Variants in HDAC8 observed in about 807,000 individuals in gnomAD.
HDAC8 encodes histone deacetylase 8.
In HDAC8, 1 loss-of-function variant was observed where a neutral mutation model predicts 32.2. That is an observed-to-expected ratio of 0.03 (90% CI 0.01 to 0.15). HDAC8 has a LOEUF of 0.15. HDAC8 is among the 10% of genes least tolerant of loss of function. HDAC8 has a pLI of 1.00. For synonymous variants in HDAC8, 108 were observed against 113.9 expected (o/e 0.95, Z 0.33); for missense variants, 117 against 300.0 (o/e 0.39, Z 4.51).
At chrX:72,352,683 C>T (rs1315092977) in intron 9 of HDAC8, among the ~76,000 whole-genome samples, 2 of 111,839 alleles carry the variant, frequency 1.8e-5, no homozygotes, top group African/African-American at 6.5e-5. Flanking sequence ...TTTTCTTTCT[C>T]TATAGTAGAG....
At chrX:72,497,799 A>G (rs1272550319) in intron 4 of HDAC8, among the ~76,000 whole-genome samples, 2 of 111,641 alleles carry the variant, frequency 1.8e-5, no homozygotes, top group African/African-American at 6.5e-5. Context: ...AAAAACTTTG[A>G]GCTGATACTA....
chrX:72,509,843 C>T lies in HDAC8; in HGVS notation c.438-14575G>A, dbSNP rs2049521142. Among the ~76,000 whole-genome samples the T allele has an allele frequency of 2.7e-5, 3 of 111,006 alleles. No individual in the cohort carries two copies. In the South Asian group the frequency reaches 1.1e-3, roughly 43 times the overall value. ...ATACTGTAATGTTGTTGAAATTAGT[C>T]AATTTTCACAGTTTTCCCTTACCTG... On this transcript the variant is annotated intron_variant, in intron 4 of 10. Transcript: ENST00000373573.
intron 9 of HDAC8, among the ~76,000 whole-genome samples, chrX:72,376,744 G>A (rs1477435300): frequency 3.6e-5 from 4 of 110,821 alleles, no homozygotes; most frequent in African/African-American, 1.3e-4. Flanking sequence ...CTTTTCCTCT[G>A]CTTGCTTTGG....
At chrX:72,568,052 G>T in intron 3 of HDAC8, 22 bp from the exon 4 acceptor site, 1 of 1,198,422 alleles carries the variant, frequency 8.3e-7, no homozygotes, top group East Asian at 3.0e-5. Context: ...AATCAGAAGA[G>T]CTGGTTAAAA....
intron 9 of HDAC8, among the ~76,000 whole-genome samples, chrX:72,446,994 G>T (rs973152711): frequency 9.0e-6 from 1 of 111,691 alleles, no homozygotes; most frequent in South Asian, 3.8e-4. Flanking sequence ...ATTCATAGCC[G>T]AATTCTACCA....
intron 4 of HDAC8, among the ~76,000 whole-genome samples, chrX:72,553,353 C>G (rs1267840058): frequency 3.6e-5 from 4 of 111,696 alleles, no homozygotes; most frequent in Non-Finnish European, 7.5e-5. Context: ...CAATAGCCAC[C>G]ATTTTTAATG....
chrX:72,430,080 A>G (rs781845093), intron 9 of HDAC8, among the ~76,000 whole-genome samples: 1 of 112,388 alleles, frequency 8.9e-6, no homozygotes, highest in Non-Finnish European at 1.9e-5. Flanking sequence ...ATAAAATGCA[A>G]TTTCCAGACA....
At chrX:72,564,966 T>C (rs1186407228) in intron 4 of HDAC8, among the ~76,000 whole-genome samples, 1 of 112,558 alleles carries the variant, frequency 8.9e-6, no homozygotes, top group Non-Finnish European at 1.9e-5. Flanking sequence ...TTCCTTAGAA[T>C]AGATTGCCAA....
chrX:72,331,903 C>T (rs781840696), intron 10 of HDAC8, among the ~76,000 whole-genome samples: 1 of 112,447 alleles, frequency 8.9e-6, no homozygotes, highest in Non-Finnish European at 1.9e-5. Flanking sequence ...GATTTCCCTC[C>T]TCTACCTCCT....
chrX:72,382,223 T>A, intron 9 of HDAC8, among the ~76,000 whole-genome samples: 1 of 112,300 alleles, frequency 8.9e-6, no homozygotes. Flanking sequence ...AGACGAGGAA[T>A]TGCACCCAAG....
At chrX:72,455,650 A>G (rs938067390) in intron 9 of HDAC8, among the ~76,000 whole-genome samples, 1 of 112,435 alleles carries the variant, frequency 8.9e-6, no homozygotes, top group African/African-American at 3.2e-5. Flanking sequence ...TTTTGAGTGA[A>G]AATTAGAATT....
intron 9 of HDAC8, among the ~76,000 whole-genome samples, chrX:72,441,471 AG>A (rs1246713380): frequency 8.9e-6 from 1 of 112,431 alleles, no homozygotes; most frequent in East Asian, 2.8e-4. Context: ...CCTGCAGCTG[AG>A]GGTCCTGTCT....
chrX:72,441,428 G>C (rs1569299720), intron 9 of HDAC8, among the ~76,000 whole-genome samples: 1 of 112,218 alleles, frequency 8.9e-6, no homozygotes, highest in Non-Finnish European at 1.9e-5. Context: ...GGCAAACAGG[G>C]TCTGGAGTGG....
At chrX:72,412,246 T>C (rs1232952379) in intron 9 of HDAC8, among the ~76,000 whole-genome samples, 1 of 112,093 alleles carries the variant, frequency 8.9e-6, no homozygotes, top group Non-Finnish European at 1.9e-5. Flanking sequence ...GGGAAACAAC[T>C]AGACTTGGAA....
intron 4 of HDAC8, among the ~76,000 whole-genome samples, chrX:72,508,436 C>G (rs1468386196): frequency 8.9e-6 from 1 of 112,078 alleles, no homozygotes; most frequent in African/African-American, 3.2e-5. Context: ...AGTAACTTGT[C>G]CAAGGAAACA....
At chrX:72,373,594 T>A (rs981379820) in intron 9 of HDAC8, among the ~76,000 whole-genome samples, 7 of 112,605 alleles carry the variant, frequency 6.2e-5, no homozygotes, top group African/African-American at 2.3e-4. Flanking sequence ...CACATTTTGT[T>A]TATCCATTTA....
intron 4 of HDAC8, 78 bp downstream of exon 4, chrX:72,567,811 A>G (rs781907152): frequency 8.3e-7 from 1 of 1,210,826 alleles, no homozygotes. Context: ...AAATGTCAAT[A>G]CAATAAGCAT....
chrX:72,381,681 C>T (rs1555959948), intron 9 of HDAC8, among the ~76,000 whole-genome samples: 2 of 112,107 alleles, frequency 1.8e-5, no homozygotes, highest in Non-Finnish European at 3.8e-5. Flanking sequence ...GAAAGGGTAG[C>T]AACCCTGTGT....
chrX:72,345,262 G>C (rs979825153), intron 10 of HDAC8, among the ~76,000 whole-genome samples: 2 of 111,120 alleles, frequency 1.8e-5, no homozygotes, highest in African/African-American at 3.3e-5. Flanking sequence ...ACCTGAGCAG[G>C]GGGAGAGGGT....
Sources: allele counts gnomAD v4.1 joint callset (sites outside exome capture counted in the v4.1 genomes callset), GRCh38; gene constraint gnomAD v4.1.1; transcripts MANE v1.5; gene names NCBI Gene and HGNC (gene_info 2026-07-23, HGNC 2026-07-21).